The following CDC42BPA variants were observed in gnomAD, a reference collection of about 807,000 sequenced individuals.
CDC42BPA encodes the protein CDC42 binding protein kinase alpha, also known as serine/threonine-protein kinase MRCK alpha.
In CDC42BPA, 80 loss-of-function variants were observed where a neutral mutation model predicts 223.5. The ratio of observed to expected loss-of-function variants is 0.36; its 90% CI spans 0.30 to 0.43. The LOEUF is 0.43. Among genes scored for constraint, CDC42BPA ranks in the 20% least tolerant of loss-of-function variants. The pLI is 1.00. For missense variants in CDC42BPA, 1,743 were observed against 2,099.9 expected (o/e 0.83, Z 3.32); for synonymous variants, 694 against 718.6 (o/e 0.97, Z 0.55).
chr1:227,274,685 C>T (rs1390588950), intron 1 of CDC42BPA, among the ~76,000 whole-genome samples: 1 of 151,878 alleles, frequency 6.6e-6, no homozygotes, highest in Non-Finnish European at 1.5e-5. Context: ...CAAAAACTAT[C>T]CAAACACAAG....
At chr1:227,276,938 G>A (rs1408235451) in intron 1 of CDC42BPA, among the ~76,000 whole-genome samples, 10 of 151,952 alleles carry the variant, frequency 6.6e-5, no homozygotes, top group Non-Finnish European at 7.4e-5. Context: ...CAAACACTGC[G>A]GAAGGCCGCA....
intron 21 of CDC42BPA, among the ~76,000 whole-genome samples, chr1:227,061,745 G>A (rs1239458426): frequency 1.3e-5 from 2 of 152,082 alleles, no homozygotes; most frequent in African/African-American, 2.4e-5. Flanking sequence ...ACTTCTCAAC[G>A]ATTGCTTTCT....
chr1:227,074,016 T>C lies in CDC42BPA; in HGVS notation c.2587-4A>G, dbSNP rs776349570. The C allele has an allele frequency of 6.8e-6, 11 of 1,608,372 alleles. No homozygotes were observed. In the South Asian group the frequency reaches 1.2e-4, roughly 18 times the overall value. On this transcript the variant is annotated splice_polypyrimidine_tract_variant and splice_region_variant and intron_variant, in intron 18 of 36. Transcript: ENST00000366766. ...GACGCATTTTCCAGGGCATATCCTA[T>C]GAAATAATGACTGTGTTTTTAGTTC...
intron 1 of CDC42BPA, among the ~76,000 whole-genome samples, chr1:227,289,216 G>A (rs1383936380): frequency 1.3e-5 from 2 of 151,946 alleles, no homozygotes; most frequent in Non-Finnish European, 2.9e-5. Flanking sequence ...CTCTGCACTG[G>A]CTTTAACCCT....
intron 1 of CDC42BPA, among the ~76,000 whole-genome samples, chr1:227,313,259 T>C (rs951183816): frequency 3.3e-5 from 5 of 152,156 alleles, no homozygotes; most frequent in African/African-American, 1.2e-4. Context: ...ATACCTAAGT[T>C]CACTCTACTT....
At chr1:227,122,260 A>G (rs596131) in intron 11 of CDC42BPA, among the ~76,000 whole-genome samples, 43,132 of 152,084 alleles carry the variant, frequency 0.28, 6,333 homozygotes, top group African/African-American at 0.35. Flanking sequence ...GTAGCAATAT[A>G]GTACATTTAG....
chr1:227,301,428 C>A (rs112491574), intron 1 of CDC42BPA, among the ~76,000 whole-genome samples: 22,665 of 151,258 alleles, frequency 0.15, 2,057 homozygotes, highest in African/African-American at 0.24. Flanking sequence ...GGCGCGATCT[C>A]GGCTTACTGC....
intron 2 of CDC42BPA, among the ~76,000 whole-genome samples, chr1:227,218,634 G>C (rs1015597629): frequency 1.3e-5 from 2 of 152,146 alleles, no homozygotes; most frequent in Admixed American, 6.5e-5. Context: ...TCTGATAAGA[G>C]AGCTAGTATA....
intron 5 of CDC42BPA, among the ~76,000 whole-genome samples, chr1:227,175,952 T>C (rs548658483): frequency 6.6e-5 from 10 of 152,300 alleles, no homozygotes; most frequent in African/African-American, 2.2e-4. Flanking sequence ...GCTGTATGTA[T>C]GGTGTACTGG....
intron 1 of CDC42BPA, among the ~76,000 whole-genome samples, chr1:227,313,580 TAAATA>T (rs1195935391): frequency 1.3e-5 from 2 of 152,146 alleles, no homozygotes; most frequent in African/African-American, 4.8e-5. Flanking sequence ...GTTGAGAACT[TAAATA>T]AAATAAATGT....
intron 32 of CDC42BPA, among the ~76,000 whole-genome samples, chr1:227,021,740 C>T (rs1477517788): frequency 6.6e-6 from 1 of 152,030 alleles, no homozygotes; most frequent in East Asian, 1.9e-4. Flanking sequence ...AATTTCATGG[C>T]CAGGCGCGGT....
At chr1:227,136,261 G>C in intron 10 of CDC42BPA, among the ~76,000 whole-genome samples, 1 of 152,154 alleles carries the variant, frequency 6.6e-6, no homozygotes, top group Non-Finnish European at 1.5e-5. Flanking sequence ...AGACTAATTA[G>C]ATGGACTTAA....
Position 227,268,218 on chromosome 1 carries a change from C to T in CDC42BPA, c.179-14063G>A, listed in dbSNP as rs561153505. Among the ~76,000 whole-genome samples the T allele has an allele frequency of 3.7e-4, 56 of 152,126 alleles. 1 individual carries two copies. The highest frequency in any genetic ancestry group is 1.2e-3 in the African/African-American group (50 of 41,490). ...CACAGGTGTTTTTATTGGAATAAAGCCCCATCCATTTGTTTATGTATTGTT... is the reference window on the plus strand; with the variant it reads ...CACAGGTGTTTTTATTGGAATAAAGTCCCATCCATTTGTTTATGTATTGTT... On this transcript the variant is annotated intron_variant, in intron 1 of 36. Coordinates refer to ENST00000366766, the MANE Select transcript of CDC42BPA (RefSeq NM_001394014.1).
chr1:227,194,322 A>G (rs1313723614), intron 4 of CDC42BPA, among the ~76,000 whole-genome samples: 1 of 152,208 alleles, frequency 6.6e-6, no homozygotes, highest in Non-Finnish European at 1.5e-5. Context: ...GGAATACAGG[A>G]TAGTCCCTAC....
intron 20 of CDC42BPA, among the ~76,000 whole-genome samples, chr1:227,070,458 A>G (rs1192412337): frequency 6.6e-6 from 1 of 151,910 alleles, no homozygotes; most frequent in African/African-American, 2.4e-5. Context: ...TTTCCCAAGT[A>G]ATTCTTACAA....
intron 1 of CDC42BPA, among the ~76,000 whole-genome samples, chr1:227,288,769 C>T (rs902136275): frequency 7.9e-5 from 12 of 151,824 alleles, no homozygotes; most frequent in South Asian, 6.2e-4. Flanking sequence ...CTGAGGCGGG[C>T]AGATCACCTG....
At chr1:227,245,282 ATCTTTTTTTT>A (rs142728569) in intron 2 of CDC42BPA, among the ~76,000 whole-genome samples, 20,990 of 129,286 alleles carry the variant, frequency 0.16, 1,735 homozygotes, top group African/African-American at 0.24. Flanking sequence ...TTTGTCTTGC[ATCTTTTTTTT>A]TTTTTTTTTT....
intron 22 of CDC42BPA, among the ~76,000 whole-genome samples, chr1:227,050,775 GA>G (rs1458665727): frequency 4.6e-5 from 7 of 152,076 alleles, no homozygotes; most frequent in Non-Finnish European, 1.5e-5. Context: ...CTAAAACCAA[GA>G]AAGGGAAGAT....
chr1:227,225,608 A>G lies in CDC42BPA; in HGVS notation c.271-12389T>C, dbSNP rs112361936. On this transcript the variant is annotated intron_variant, in intron 2 of 36. Transcript: ENST00000366766. The stretch of plus-strand genomic sequence containing the variant: ...GTTCTCATCTCCCCATTAGAACAAT[A>G]AAAGTATTTTATATCTTTATTCCCA... Among the ~76,000 whole-genome samples the G allele has an allele frequency of 7.2e-3, 1,092 of 152,310 alleles. 1 individual carries two copies. Among genetic ancestry groups the G allele is most frequent in the Middle Eastern group, 0.017 (5 of 292 alleles).
Sources: allele counts gnomAD v4.1 joint callset (sites outside exome capture counted in the v4.1 genomes callset), GRCh38; gene constraint gnomAD v4.1.1; transcripts MANE v1.5; gene names NCBI Gene and HGNC (gene_info 2026-07-23, HGNC 2026-07-21).